The following PHLPP1 variants were observed in gnomAD, a reference collection of about 807,000 sequenced individuals.
The protein encoded by PHLPP1 is PH domain leucine-rich repeat-containing protein phosphatase 1.
A neutral mutation model predicts 117.2 loss-of-function variants in PHLPP1; 42 were observed. That is an observed-to-expected ratio of 0.36 (90% CI 0.28 to 0.46). PHLPP1 has a LOEUF of 0.46. PHLPP1 is among the 20% of genes least tolerant of loss of function. The pLI is 1.00. For synonymous variants in PHLPP1, 1,042 were observed against 970.7 expected, an observed-to-expected ratio of 1.07 and a Z score of -1.37; for missense variants, 2,084 against 2,241.9, an observed-to-expected ratio of 0.93 and a Z score of 1.42.
intron 10 of PHLPP1, among the ~76,000 whole-genome samples, chr18:62,936,176 C>T (rs1909961732): frequency 6.6e-6 from 1 of 152,100 alleles, no homozygotes; most frequent in Non-Finnish European, 1.5e-5. Context: ...TCAAAGGATG[C>T]GTGAGTCAAC....
At chr18:62,926,956 T>G (rs373670731) in intron 10 of PHLPP1, among the ~76,000 whole-genome samples, 2 of 152,106 alleles carry the variant, frequency 1.3e-5, no homozygotes, top group Admixed American at 1.3e-4. Context: ...TCAGAAAAAC[T>G]GGGGAAGAGA....
chr18:62,840,847 A>G (rs1181436420), intron 3 of PHLPP1, among the ~76,000 whole-genome samples: 1 of 152,204 alleles, frequency 6.6e-6, no homozygotes, highest in East Asian at 1.9e-4. Flanking sequence ...CAAGTATAAG[A>G]AACCATCATT....
chr18:62,912,911 A>G (rs998080012), intron 8 of PHLPP1, among the ~76,000 whole-genome samples: 1 of 152,224 alleles, frequency 6.6e-6, no homozygotes, highest in Non-Finnish European at 1.5e-5. Flanking sequence ...ATGAACCACC[A>G]TGCCCGGCCC....
At chr18:62,887,443 T>C (rs1057388986) in intron 4 of PHLPP1, among the ~76,000 whole-genome samples, 1 of 152,224 alleles carries the variant, frequency 6.6e-6, no homozygotes, top group Non-Finnish European at 1.5e-5. Flanking sequence ...GTGGATAATT[T>C]ATAAACAACA....
chr18:62,882,571 A>G lies in PHLPP1; in HGVS notation c.2067-12440A>G, dbSNP rs569752728. Among the ~76,000 whole-genome samples, 12 of 152,250 alleles carry G rather than the reference A, an allele frequency of 7.9e-5. No individual in the cohort carries two copies. The South Asian group carries it at 2.1e-3, about 26-fold the overall frequency. ...ACCGCGCCCGGCCATTCACTTAACTATAGTTTCTAAAGAGCAAGTATATTC... is the reference window on the plus strand; with the variant it reads ...ACCGCGCCCGGCCATTCACTTAACTGTAGTTTCTAAAGAGCAAGTATATTC... On this transcript the variant is annotated intron_variant, in intron 4 of 16. Transcript: ENST00000262719.
rs865987529 is a variant in PHLPP1 at position 62,912,359 on chromosome 18, T to A, written c.2709-2554T>A. ...AAACCTGATCCATCAAAAAAAAAATTTTTTTTTATTATAAATATATAATTA... is the reference window on the plus strand; with the variant it reads ...AAACCTGATCCATCAAAAAAAAAATATTTTTTTATTATAAATATATAATTA... On this transcript the variant is annotated intron_variant, in intron 8 of 16. Coordinates refer to ENST00000262719, the MANE Select transcript of PHLPP1 (RefSeq NM_194449.4). Among the ~76,000 whole-genome samples the A allele has an allele frequency of 9.6e-4, 61 of 63,848 alleles. No individual in the cohort carries two copies. In the South Asian group the frequency reaches 0.014, roughly 15 times the overall value. The allele number at this position is 63,848 out of a possible 152,430, so 41.9% of individuals were successfully genotyped here. A position where few individuals can be genotyped will look rare whatever the true frequency, so the allele number is the denominator to read the frequency against.
Position 62,717,224 on chromosome 18 carries a change from A to G in PHLPP1, c.1541A>G (p.Asp514Gly), listed in dbSNP as rs1910781890. 1.2e-6 allele frequency: 2 copies of G among 1,602,774 alleles called. No individual in the cohort carries two copies. The highest frequency in any genetic ancestry group is 1.3e-5 in the African/African-American group (1 of 74,558). ...TGGAGGGTGCAGGAGGAAGGCATGGACTCGGAGATTGGCTGCCTCATCCGC... is the reference window on the plus strand; with the variant it reads ...TGGAGGGTGCAGGAGGAAGGCATGGGCTCGGAGATTGGCTGCCTCATCCGC... The part of the protein sequence containing the change: ...ELWRVQEEGM[D>G]SEIGCLIRFY... The change falls in exon 1 of 17, where the codon GAC (aspartate) becomes GGC (glycine). Residue 514 changes from aspartate (D) to glycine (G), a missense_variant. Around this residue, in one of 2 missense-constraint regions of PHLPP1, gnomAD observed 1,365 missense variants for 1,605.9 expected, o/e 0.85. Coordinates refer to ENST00000262719, the MANE Select transcript of PHLPP1 (RefSeq NM_194449.4).
intron 13 of PHLPP1, among the ~76,000 whole-genome samples, chr18:62,961,226 C>T (rs1015953472): frequency 3.3e-5 from 5 of 152,014 alleles, no homozygotes; most frequent in African/African-American, 7.3e-5. Flanking sequence ...AACCTGGGGG[C>T]GGAGGTTGCA....
chr18:62,725,617 T>C (rs908976765), intron 1 of PHLPP1, among the ~76,000 whole-genome samples: 2 of 152,090 alleles, frequency 1.3e-5, no homozygotes, highest in East Asian at 3.9e-4. Context: ...TTTCTCTCTC[T>C]CTTTCTGTCT....
chr18:62,738,770 A>C lies in PHLPP1; in HGVS notation c.1576+21511A>C, dbSNP rs144550774. ...AAAAGTTATGTGAATATGGTCTGTC[A>C]ATCTTACTGTATTGTACTCATCTAT... On this transcript the variant is annotated intron_variant, in intron 1 of 16. Transcript: ENST00000262719. Among the ~76,000 whole-genome samples the C allele has an allele frequency of 2.3e-3, 346 of 152,362 alleles. 1 individual carries two copies. The highest frequency in any genetic ancestry group is 0.01 in the Middle Eastern group (3 of 294).
At chr18:62,825,220 A>G (rs1011360585) in intron 1 of PHLPP1, among the ~76,000 whole-genome samples, 30 of 151,782 alleles carry the variant, frequency 2.0e-4, no homozygotes, top group African/African-American at 6.8e-4. Context: ...CAGCCTCCCA[A>G]AGTGCTAGGA....
rs1910740364 is a variant in PHLPP1 at position 62,716,489 on chromosome 18, C to T, written c.806C>T (p.Pro269Leu). The T allele has an allele frequency of 2.5e-6, 3 of 1,213,886 alleles. No individual in the cohort carries two copies. The highest frequency in any genetic ancestry group is 3.4e-5 in the East Asian group (1 of 29,224). 75.2% of individuals were successfully genotyped at this position (1,213,886 alleles called of 1,614,324 possible). A position where few individuals can be genotyped will look rare whatever the true frequency, so the allele number is the denominator to read the frequency against. Residue 269 changes from proline (P) to leucine (L), a missense_variant, in exon 1 of 17, where the codon CCC (proline) becomes CTC (leucine). Pro to Leu is a moderately conservative substitution (Grantham distance 98). This residue lies in a region of PHLPP1 where 719 missense variants were observed against 636.0 expected (regional missense o/e 1.13). Transcript: ENST00000262719. The surrounding 1 kb of genome is among the most constrained non-coding windows in gnomAD (Gnocchi z 5.7). Reference protein sequence around the residue: ...EPAEPPPEAGPRLAPPEPRDS... With the variant: ...EPAEPPPEAGLRLAPPEPRDS... ...GCTGAACCGCCCCCCGAGGCCGGCC[C>T]CCGGCTGGCGCCCCCGGAGCCGCGG... is the stretch of plus-strand genomic sequence containing the variant.
intron 1 of PHLPP1, among the ~76,000 whole-genome samples, chr18:62,718,814 C>A (rs192461804): frequency 8.5e-5 from 13 of 152,222 alleles, no homozygotes; most frequent in African/African-American, 2.9e-4. Context: ...AGAGTTTGAA[C>A]AAATTTTATA....
chr18:62,726,007 A>C (rs1911057675), intron 1 of PHLPP1, among the ~76,000 whole-genome samples: 1 of 152,166 alleles, frequency 6.6e-6, no homozygotes, highest in South Asian at 2.1e-4. Flanking sequence ...GCTGGGGTGC[A>C]GCTGACATTC....
intron 1 of PHLPP1, among the ~76,000 whole-genome samples, chr18:62,718,076 G>A (rs1400389588): frequency 6.6e-6 from 1 of 152,126 alleles, no homozygotes; most frequent in African/African-American, 2.4e-5. Flanking sequence ...TCTTGACTAG[G>A]GGTGACCCAT....
In PHLPP1 at chr18:62,716,692, C is replaced by T. The variant is rs1407606478; in HGVS notation, c.1009C>T (p.Pro337Ser). Reference sequence around the variant, plus strand: ...GTTCGTTGGGGGCCCTGTCTCTTCGCCCCGCGCCCCACGGCCTGTGGTCTC... The same window carrying T: ...GTTCGTTGGGGGCCCTGTCTCTTCGTCCCGCGCCCCACGGCCTGTGGTCTC... ...EPFVGGPVSSPRAPRPVVSDT... is the reference protein window; with the variant it reads ...EPFVGGPVSSSRAPRPVVSDT... Residue 337 changes from proline (P) to serine (S), a missense_variant, in exon 1 of 17, where the codon CCC becomes TCC. Pro to Ser is a moderately conservative substitution (Grantham distance 74). This residue lies in a region of PHLPP1 where 719 missense variants were observed against 636.0 expected (regional missense o/e 1.13). Transcript: ENST00000262719. This position sits in a 1 kb window ranked among gnomAD's most constrained non-coding sequence, Gnocchi z 5.7. The T allele has an allele frequency of 6.8e-6, 10 of 1,474,946 alleles. No homozygotes were observed. The highest frequency in any genetic ancestry group is 1.7e-4 in the Middle Eastern group (1 of 5,784). 91.4% of individuals were successfully genotyped at this position (1,474,946 alleles called of 1,614,324 possible). A position where few individuals can be genotyped will look rare whatever the true frequency, so the allele number is the denominator to read the frequency against.
intron 4 of PHLPP1, among the ~76,000 whole-genome samples, chr18:62,862,192 G>A (rs536151502): frequency 3.3e-5 from 5 of 151,816 alleles, no homozygotes; most frequent in Admixed American, 1.3e-4. Context: ...TGATTCTCCC[G>A]CCTCAGCCTC....
At chr18:62,961,289 C>T (rs1044201769) in intron 13 of PHLPP1, among the ~76,000 whole-genome samples, 1 of 151,646 alleles carries the variant, frequency 6.6e-6, no homozygotes, top group African/African-American at 2.4e-5. Context: ...AGCGAAACTC[C>T]GTCTCAAAAA....
chr18:62,963,292 A>T, intron 13 of PHLPP1, 76 bp from the exon 14 acceptor site: 1 of 932,890 alleles, frequency 1.1e-6, no homozygotes, highest in Admixed American at 2.1e-5. Context: ...TGTATTTTTT[A>T]TTTCTTGGAT....
Sources: gnomAD v4.1 joint callset for allele counts (sites outside exome capture counted in the v4.1 genomes callset) on GRCh38, gnomAD v4.1.1 for gene constraint, gnomAD v4.1.1 regional missense constraint, Gnocchi (gnomAD v3.1) non-coding constraint, MANE v1.5 for transcripts, NCBI Gene and HGNC (gene_info 2026-07-23, HGNC 2026-07-21) for gene names.